The following IRS1 variants were observed in gnomAD, a reference collection of about 807,000 sequenced individuals.
The protein encoded by IRS1 is insulin receptor substrate 1.
Under a neutral mutation model 65.6 loss-of-function variants are expected in IRS1, and 34 were observed. The ratio of observed to expected loss-of-function variants is 0.52; its 90% confidence interval spans 0.39 to 0.69. The LOEUF is 0.69. IRS1 is among the 30% of genes least tolerant of loss of function. IRS1 has a pLI of 0.00. For synonymous variants in IRS1, 699 were observed against 683.5 expected (o/e 1.02, Z -0.35); for missense variants, 1,641 against 1,720.2 (o/e 0.95, Z 0.81).
At chr2:226,762,031 G>A (rs1938925642) in intron 1 of IRS1, among the ~76,000 whole-genome samples, 1 of 152,212 alleles carries the variant, frequency 6.6e-6, no homozygotes, top group Non-Finnish European at 1.5e-5. Context: ...AGGCTGAGCT[G>A]TTGTCCTACA....
chr2:226,745,515 C>T (rs962710099), intron 1 of IRS1, among the ~76,000 whole-genome samples: 3 of 152,114 alleles, frequency 2.0e-5, no homozygotes, highest in Non-Finnish European at 4.4e-5. Flanking sequence ...TTCCATTATC[C>T]CATCTCTCAG....
In IRS1 at chr2:226,795,100, G is replaced by A. The variant is rs200306802; in HGVS notation, c.3639C>T (p.Ser1213=). The A allele has an allele frequency of 1.3e-4, 208 of 1,604,242 alleles. No individual in the cohort carries two copies. Among genetic ancestry groups the A allele is most frequent in the Non-Finnish European group, 1.7e-4 (198 of 1,177,196 alleles). ...PPPPPHQPLG[S]GESSSTRRSS... Reference sequence around the variant, plus strand: ...AGCGGCGGGTGGAGCTGCTCTCACCGCTGCCCAGGGGTTGATGAGGGGGTG... The same window carrying A: ...AGCGGCGGGTGGAGCTGCTCTCACCACTGCCCAGGGGTTGATGAGGGGGTG... The change falls in exon 1 of 2, where the codon AGC becomes AGT. Residue 1213 remains serine (S), a synonymous_variant. Coordinates refer to ENST00000305123, the MANE Select transcript of IRS1 (RefSeq NM_005544.3).
chr2:226,738,167 A>G (rs990661916), intron 1 of IRS1, among the ~76,000 whole-genome samples: 7 of 152,256 alleles, frequency 4.6e-5, no homozygotes, highest in Non-Finnish European at 8.8e-5. Context: ...AATAATGCAT[A>G]TCACCTACAA....
chr2:226,766,121 T>TTTTATATATA (rs1491160572), intron 1 of IRS1, among the ~76,000 whole-genome samples: 3 of 14,242 alleles, frequency 2.1e-4, no homozygotes, highest in Non-Finnish European at 3.9e-4. Context: ...TCTCTTAATC[T>TTTTATATATA]TATATATATA....
At position 226,796,758 on chromosome 2, in the gene IRS1, C is replaced by T. The variant is rs760049423; in HGVS notation, c.1981G>A (p.Gly661Ser). 2.5e-6 allele frequency: 4 copies of T among 1,603,136 alleles called. No individual in the cohort carries two copies. Among genetic ancestry groups the T allele is most frequent in the South Asian group, 1.1e-5 (1 of 89,072 alleles). ...RRHPQRVDPN[G>S]YMMMSPSGGC... ...CCGCTGGGGGACATCATCATGTAGCCATTGGGGTCCACTCTCTGGGGATGG... is the reference window on the plus strand; with the variant it reads ...CCGCTGGGGGACATCATCATGTAGCTATTGGGGTCCACTCTCTGGGGATGG... The change falls in exon 1 of 2, where the codon GGC (glycine) becomes AGC (serine). Residue 661 changes from glycine to serine, a missense_variant. Physicochemically the swap from Gly to Ser is moderately conservative, Grantham distance 56 (BLOSUM62 0). Around this residue, in one of 3 missense-constraint regions of IRS1, gnomAD observed 1,324 missense variants for 1,361.0 expected, o/e 0.97. Coordinates refer to ENST00000305123, the MANE Select transcript of IRS1 (RefSeq NM_005544.3).
chr2:226,752,496 G>T (rs988020778), intron 1 of IRS1, among the ~76,000 whole-genome samples: 2 of 152,284 alleles, frequency 1.3e-5, no homozygotes, highest in African/African-American at 4.8e-5. Context: ...CATTCACCAG[G>T]CCTAACTCTG....
intron 1 of IRS1, among the ~76,000 whole-genome samples, chr2:226,776,736 G>A (rs536308181): frequency 3.3e-5 from 5 of 152,154 alleles, no homozygotes; most frequent in East Asian, 3.9e-4. Flanking sequence ...GTGAAACCCC[G>A]TCTCTACTAA....
At chr2:226,782,007 T>C (rs1939392561) in intron 1 of IRS1, among the ~76,000 whole-genome samples, 2 of 152,166 alleles carry the variant, frequency 1.3e-5, no homozygotes. Context: ...TTACCTATTC[T>C]TTTAAAAATG....
Position 226,752,394 on chromosome 2 carries a change from C to G in IRS1, c.*22-16144G>C, listed in dbSNP as rs184154954. ...CCTGAATCAACAGCACACACTTCAG[C>G]TCTACTTATTAGGAAGTCAGCCACA... On this transcript the variant is annotated intron_variant, in intron 1 of 1. Coordinates refer to ENST00000305123, the MANE Select transcript of IRS1 (RefSeq NM_005544.3). 3.2e-4 allele frequency among the ~76,000 whole-genome samples: 48 copies of G among 152,312 alleles called. No homozygotes were observed. The East Asian group carries it at 8.1e-3, about 26-fold the overall frequency.
intron 1 of IRS1, among the ~76,000 whole-genome samples, chr2:226,744,035 C>CT (rs1938492079): frequency 6.6e-6 from 1 of 152,188 alleles, no homozygotes; most frequent in Admixed American, 6.5e-5. Flanking sequence ...AACTGTCTGA[C>CT]TACCCAATTG....
Position 226,794,895 on chromosome 2 carries a change from G to A in IRS1, c.*21+94C>T. On this transcript the variant is annotated intron_variant, in intron 1 of 1. Coordinates refer to ENST00000305123, the MANE Select transcript of IRS1 (RefSeq NM_005544.3). This position sits in a 1 kb window ranked among gnomAD's most constrained non-coding sequence, Gnocchi z 4.1. ...AGTGCATTCTCCCTGAGGAAGCAGT[G>A]GGAAAGAACAGGAAGGGGCAGAGGC... 1 of 1,100,016 alleles carries A rather than the reference G, an allele frequency of 9.1e-7. No individual in the cohort carries two copies. 68.1% of individuals were successfully genotyped at this position (1,100,016 alleles called of 1,614,324 possible). A position where few individuals can be genotyped will look rare whatever the true frequency, so the allele number is the denominator to read the frequency against.
chr2:226,796,588 T>TG lies in IRS1; in HGVS notation c.2150dup (p.Val718SerfsTer7). 6.2e-7 allele frequency: 1 copy of TG among 1,613,996 alleles called. No homozygotes were observed. The highest frequency in any genetic ancestry group is 8.5e-7 in the Non-Finnish European group (1 of 1,179,958). On this transcript the variant is annotated frameshift_variant, in exon 1 of 2. Transcript: ENST00000305123. LOFTEE classifies it high-confidence loss of function. ...AGAGCTTACCACCGCTGCTCTCCACTGGGGGTTTGGGGTGAGGCAAGACAT... is the reference window on the plus strand; with the variant it reads ...AGAGCTTACCACCGCTGCTCTCCACTGGGGGGTTTGGGGTGAGGCAAGACAT...
intron 1 of IRS1, among the ~76,000 whole-genome samples, chr2:226,784,373 A>G (rs1316519133): frequency 6.6e-6 from 1 of 152,150 alleles, no homozygotes; most frequent in Non-Finnish European, 1.5e-5. Context: ...AAAACGATCA[A>G]ACACTGACGA....
rs563589196 is a variant in IRS1, at chr2:226,779,724, C to A, written c.*21+15265G>T. ...GATCCTAAGTTTTAGCTCAATACTT[C>A]AAATGTCCAACAATATTTAAAAACA... On this transcript the variant is annotated intron_variant, in intron 1 of 1. Transcript: ENST00000305123. 2.6e-5 allele frequency among the ~76,000 whole-genome samples: 4 copies of A among 152,332 alleles called. No homozygotes were observed. The South Asian group carries it at 8.3e-4, about 32-fold the overall frequency.
intron 1 of IRS1, among the ~76,000 whole-genome samples, chr2:226,791,653 G>A (rs902934530): frequency 6.6e-6 from 1 of 151,868 alleles, no homozygotes; most frequent in Admixed American, 6.6e-5. Context: ...CGCCACCACC[G>A]CCAGGGGACC....
intron 1 of IRS1, among the ~76,000 whole-genome samples, chr2:226,766,141 ATATATATATATATATATATATATT>A (rs1457967140): frequency 3.0e-4 from 1 of 3,352 alleles, no homozygotes; most frequent in East Asian, 4.0e-3. Flanking sequence ...ATATATATAT[ATATATATATATATATATATATATT>A]TTTTTTTTTT....
chr2:226,759,486 C>T (rs1938872581), intron 1 of IRS1, among the ~76,000 whole-genome samples: 1 of 152,218 alleles, frequency 6.6e-6, no homozygotes, highest in Admixed American at 6.5e-5. Context: ...CATCAAACAG[C>T]TGCTGAAGCA....
chr2:226,753,637 T>A (rs1237675236), intron 1 of IRS1, among the ~76,000 whole-genome samples: 1 of 152,150 alleles, frequency 6.6e-6, no homozygotes. Context: ...CAAGAAAGGA[T>A]CTATAAGAAA....
rs1431576322 is a variant in IRS1 at position 226,794,897 on chromosome 2, G to GA, written c.*21+91dup. 8.0e-6 allele frequency: 9 copies of GA among 1,125,124 alleles called. No individual in the cohort carries two copies. The highest frequency in any genetic ancestry group is 9.4e-6 in the Non-Finnish European group (7 of 745,986). The allele number at this position is 1,125,124 out of a possible 1,614,324, so 69.7% of individuals were successfully genotyped here. On this transcript the variant is annotated intron_variant, in intron 1 of 1. Coordinates refer to ENST00000305123, the MANE Select transcript of IRS1 (RefSeq NM_005544.3). The surrounding 1 kb of genome is among the most constrained non-coding windows in gnomAD (Gnocchi z 4.1). ...TGCATTCTCCCTGAGGAAGCAGTGG[G>GA]AAAGAACAGGAAGGGGCAGAGGCGA...
Sources: allele counts gnomAD v4.1 joint callset (sites outside exome capture counted in the v4.1 genomes callset), GRCh38; gene constraint gnomAD v4.1.1; regional missense constraint gnomAD v4.1.1; non-coding constraint Gnocchi (gnomAD v3.1); transcripts MANE v1.5; gene names NCBI Gene and HGNC (gene_info 2026-07-23, HGNC 2026-07-21).